Variants in CSMD3 observed in about 807,000 individuals in gnomAD.
The protein encoded by CSMD3 is CUB and Sushi multiple domains 3.
A neutral mutation model predicts 435.2 loss-of-function variants in CSMD3; 177 were observed. The observed-to-expected ratio is 0.41, with a 90% CI of 0.36 to 0.46. The LOEUF (loss-of-function observed/expected upper bound fraction) is 0.46. CSMD3 is among the 20% of genes least tolerant of loss of function. The pLI, the probability that CSMD3 is intolerant of heterozygous loss-of-function variation, is 0.34. For synonymous variants in CSMD3, 1,656 were observed against 1,520.5 expected, an observed-to-expected ratio of 1.09 and a Z score of -2.07; for missense variants, 4,265 against 4,504.6, an observed-to-expected ratio of 0.95 and a Z score of 1.52.
chr8:112,439,301 T>C (rs1252631260), intron 32 of CSMD3, among the ~76,000 whole-genome samples: 1 of 152,040 alleles, frequency 6.6e-6, no homozygotes, highest in Non-Finnish European at 1.5e-5. Flanking sequence ...CCACCATGCC[T>C]GGCTAATTTT....
intron 10 of CSMD3, among the ~76,000 whole-genome samples, chr8:112,903,430 G>T (rs551892158): frequency 1.3e-5 from 2 of 151,352 alleles, no homozygotes; most frequent in South Asian, 4.2e-4. Context: ...AAGATGACTG[G>T]AGACAAGGTG....
At chr8:112,713,357 A>AAAATAAATAAATAAAT (rs71309785) in intron 13 of CSMD3, among the ~76,000 whole-genome samples, 2 of 146,780 alleles carry the variant, frequency 1.4e-5, no homozygotes, top group African/African-American at 2.5e-5. Flanking sequence ...ACAAGATTAG[A>AAAATAAATAAATAAAT]AAATAAATAA....
intron 45 of CSMD3, among the ~76,000 whole-genome samples, chr8:112,320,469 G>T (rs896202215): frequency 6.6e-6 from 1 of 151,922 alleles, no homozygotes; most frequent in Non-Finnish European, 1.5e-5. Flanking sequence ...TTTAATTTAT[G>T]TTACTATTTC....
intron 2 of CSMD3, chr8:113,312,687 A>G (rs1023363779): frequency 2.6e-5 from 4 of 152,174 alleles, no homozygotes; most frequent in Non-Finnish European, 5.9e-5. Flanking sequence ...TATATTTAGG[A>G]AAATTATATC....
At chr8:113,325,569 T>C (rs2093978441) in intron 1 of CSMD3, among the ~76,000 whole-genome samples, 1 of 152,206 alleles carries the variant, frequency 6.6e-6, no homozygotes, top group African/African-American at 2.4e-5. Flanking sequence ...GGGTATGTCT[T>C]TATCAGCAGG....
chr8:112,604,336 G>GT (rs1226695351), intron 22 of CSMD3, among the ~76,000 whole-genome samples: 2 of 151,934 alleles, frequency 1.3e-5, no homozygotes. Flanking sequence ...TTTTAGAGTA[G>GT]TTTTTTTCTA....
chr8:113,302,294 A>ATATAATATTATATATATTAT, intron 2 of CSMD3, among the ~76,000 whole-genome samples: 1 of 14,640 alleles, frequency 6.8e-5, no homozygotes, highest in Middle Eastern at 0.071. Context: ...TATATAATAT[A>ATATAATATTATATATATTAT]ATATAATATA....
chr8:113,383,727 C>T (rs1157473842), intron 1 of CSMD3, among the ~76,000 whole-genome samples: 1 of 152,164 alleles, frequency 6.6e-6, no homozygotes, highest in Non-Finnish European at 1.5e-5. Flanking sequence ...GTTCAGCAAG[C>T]TTCTCGAAAT....
At chr8:113,029,436 T>A (rs1350832578) in intron 5 of CSMD3, among the ~76,000 whole-genome samples, 14 of 151,498 alleles carry the variant, frequency 9.2e-5, no homozygotes, top group Admixed American at 3.9e-4. Flanking sequence ...CCTGATCAAG[T>A]GGGTTTCATA....
intron 2 of CSMD3, among the ~76,000 whole-genome samples, chr8:113,280,807 C>T (rs2093607830): frequency 6.6e-6 from 1 of 151,800 alleles, no homozygotes; most frequent in South Asian, 2.1e-4. Flanking sequence ...ATGAACTTTC[C>T]TCTTAGCAAT....
chr8:112,998,458 AAAAAAT>A (rs2085738094), intron 6 of CSMD3, among the ~76,000 whole-genome samples: 1 of 151,932 alleles, frequency 6.6e-6, no homozygotes, highest in Non-Finnish European at 1.5e-5. Context: ...GTTAAAAGAC[AAAAAAT>A]AAAGTAAAAT....
chr8:112,836,559 T>C (rs1032424855), intron 11 of CSMD3, among the ~76,000 whole-genome samples: 14 of 151,788 alleles, frequency 9.2e-5, no homozygotes, highest in Non-Finnish European at 1.9e-4. Context: ...GCAAAATGAT[T>C]TCTTGGTTTT....
At chr8:113,259,745 G>A (rs1324597586) in intron 3 of CSMD3, among the ~76,000 whole-genome samples, 3 of 152,094 alleles carry the variant, frequency 2.0e-5, no homozygotes, top group Non-Finnish European at 4.4e-5. Context: ...TGTTAAAAAT[G>A]GAGAATATTT....
At chr8:113,108,849 G>A (rs548466345) in intron 4 of CSMD3, among the ~76,000 whole-genome samples, 55 of 152,252 alleles carry the variant, frequency 3.6e-4, no homozygotes, top group Non-Finnish European at 2.9e-5. Context: ...GTAAACAAAT[G>A]AATATGCTGT....
intron 16 of CSMD3, among the ~76,000 whole-genome samples, chr8:112,675,471 G>A (rs1203323119): frequency 1.3e-5 from 2 of 152,064 alleles, no homozygotes; most frequent in African/African-American, 4.8e-5. Context: ...TTGTCACGGA[G>A]ATTGCTTTAG....
intron 15 of CSMD3, among the ~76,000 whole-genome samples, chr8:112,683,442 C>G (rs1684362113): frequency 6.6e-6 from 1 of 151,936 alleles, no homozygotes; most frequent in Non-Finnish European, 1.5e-5. Flanking sequence ...CTCAGGAGAA[C>G]AGGAGTTCTT....
At chr8:112,724,521 T>C (rs1563897119) in intron 13 of CSMD3, among the ~76,000 whole-genome samples, 1 of 152,130 alleles carries the variant, frequency 6.6e-6, no homozygotes, top group Non-Finnish European at 1.5e-5. Flanking sequence ...ATGAAATTTC[T>C]ATTAACTTAG....
intron 27 of CSMD3, 52 bp downstream of exon 27, chr8:112,550,619 A>AT: frequency 1.0e-6 from 1 of 958,180 alleles, no homozygotes; most frequent in Non-Finnish European, 1.7e-6. Context: ...TAACATGACT[A>AT]TTTACATCAC....
Position 113,333,252 on chromosome 8 carries a change from G to A in CSMD3, c.179-18459C>T, listed in dbSNP as rs193245406. ...GCTGTTCTTTTCATATTCTTCATAG[G>A]GTGTATGACATAGCAAAAGTTTTTA... is the stretch of plus-strand genomic sequence containing the variant. On this transcript the variant is annotated intron_variant, in intron 1 of 70. Transcript: ENST00000297405. Among the ~76,000 whole-genome samples, 578 of 151,460 alleles carry A rather than the reference G, an allele frequency of 3.8e-3. 8 individuals are homozygous for A. Among genetic ancestry groups the A allele is most frequent in the African/African-American group, 0.013 (557 of 41,378 alleles).
Sources: allele counts gnomAD v4.1 joint callset (sites outside exome capture counted in the v4.1 genomes callset), GRCh38; gene constraint gnomAD v4.1.1; transcripts MANE v1.5; gene names NCBI Gene and HGNC (gene_info 2026-07-23, HGNC 2026-07-21).